Variants in ANO3 observed in about 807,000 individuals in gnomAD.
ANO3 encodes anoctamin-3.
In ANO3, 99 loss-of-function variants were observed where a neutral mutation model predicts 144.8. The ratio of observed to expected loss-of-function variants is 0.68; its 90% confidence interval spans 0.58 to 0.81. The LOEUF (loss-of-function observed/expected upper bound fraction) is 0.81. Ranked by LOEUF, ANO3 falls within the 30% of genes least tolerant of loss-of-function variation. The pLI, the probability that ANO3 is intolerant of heterozygous loss-of-function variation, is 0.00. For synonymous variants in ANO3, 414 were observed against 392.6 expected, an observed-to-expected ratio of 1.05 and a Z score of -0.64; for missense variants, 905 against 1,202.2, an observed-to-expected ratio of 0.75 and a Z score of 3.66.
At chr11:26,360,838 A>G (rs1423977079) in intron 1 of ANO3, among the ~76,000 whole-genome samples, 2 of 152,170 alleles carry the variant, frequency 1.3e-5, no homozygotes, top group African/African-American at 4.8e-5. Flanking sequence ...TTGTATACTT[A>G]CTCATTTTAG....
intron 14 of ANO3, among the ~76,000 whole-genome samples, chr11:26,573,811 C>T (rs1233057954): frequency 7.9e-5 from 12 of 151,904 alleles, no homozygotes. Flanking sequence ...TACCTACCCT[C>T]ACTGTCTTGA....
At chr11:26,380,023 A>G (rs1856546801) in intron 1 of ANO3, among the ~76,000 whole-genome samples, 1 of 152,094 alleles carries the variant, frequency 6.6e-6, no homozygotes, top group South Asian at 2.1e-4. Context: ...AGTGTCTACA[A>G]CTTCTGAGTT....
chr11:26,294,611 C>T (rs974005909), intron 1 of ANO3, among the ~76,000 whole-genome samples: 4 of 152,116 alleles, frequency 2.6e-5, no homozygotes, highest in South Asian at 4.1e-4. Context: ...CAGGGTCATG[C>T]AACAAAATTG....
intron 1 of ANO3, among the ~76,000 whole-genome samples, chr11:26,438,469 G>A (rs140631476): frequency 1.2e-3 from 186 of 151,586 alleles, no homozygotes; most frequent in African/African-American, 4.2e-3. Flanking sequence ...GCTGCCGGCC[G>A]GGTGCAGTGG....
At chr11:26,263,186 G>A (rs543624141) in intron 1 of ANO3, among the ~76,000 whole-genome samples, 21 of 152,242 alleles carry the variant, frequency 1.4e-4, no homozygotes, top group African/African-American at 5.1e-4. Flanking sequence ...ATAGTCACAT[G>A]AAAATGAATC....
chr11:26,565,646 A>G, intron 14 of ANO3: 1 of 1,608,892 alleles, frequency 6.2e-7, no homozygotes, highest in Non-Finnish European at 8.5e-7. Context: ...AAGGAGGGGA[A>G]TGACTCGCCT....
chr11:26,599,739 C>A, intron 17 of ANO3, 25 bp downstream of exon 17: 1 of 1,592,952 alleles, frequency 6.3e-7, no homozygotes. Flanking sequence ...TGTTATTCTT[C>A]AGTAGACAAA....
chr11:26,404,981 C>A (rs1014120639), intron 1 of ANO3, among the ~76,000 whole-genome samples: 3 of 129,130 alleles, frequency 2.3e-5, no homozygotes, highest in East Asian at 2.3e-4. Context: ...GTGTGTGTGT[C>A]TATATATCTA....
intron 1 of ANO3, among the ~76,000 whole-genome samples, chr11:26,398,989 C>A (rs1208419927): frequency 2.0e-5 from 3 of 151,888 alleles, no homozygotes; most frequent in African/African-American, 7.3e-5. Flanking sequence ...CAGGCCACTG[C>A]AAGTGGATGG....
At chr11:26,495,911 T>G (rs1032555684) in intron 4 of ANO3, among the ~76,000 whole-genome samples, 6 of 152,316 alleles carry the variant, frequency 3.9e-5, no homozygotes, top group African/African-American at 1.4e-4. Flanking sequence ...CACATGTGAA[T>G]TTTCCTAATT....
chr11:26,569,814 C>A (rs1354745450), intron 14 of ANO3, among the ~76,000 whole-genome samples: 1 of 152,070 alleles, frequency 6.6e-6, no homozygotes, highest in African/African-American at 2.4e-5. Flanking sequence ...TCCCTGAGTG[C>A]ACCCAAGTTC....
At chr11:26,502,119 A>G (rs1217160158) in intron 4 of ANO3, among the ~76,000 whole-genome samples, 4 of 152,176 alleles carry the variant, frequency 2.6e-5, no homozygotes, top group Non-Finnish European at 4.4e-5. Flanking sequence ...TCTGTTTCCA[A>G]CTGTCTTTGT....
At chr11:26,197,410 G>A (rs1458903804) in intron 1 of ANO3, among the ~76,000 whole-genome samples, 4 of 152,088 alleles carry the variant, frequency 2.6e-5, no homozygotes, top group East Asian at 1.9e-4. Flanking sequence ...GTGCAGTGGC[G>A]CAATCTCGGC....
chr11:26,408,596 G>A (rs374016353), intron 1 of ANO3, among the ~76,000 whole-genome samples: 3 of 148,886 alleles, frequency 2.0e-5, no homozygotes, highest in Admixed American at 1.4e-4. Flanking sequence ...AACTAGAAAT[G>A]CCATTTGACC....
At chr11:26,218,614 T>C (rs1852080882) in intron 1 of ANO3, among the ~76,000 whole-genome samples, 1 of 152,166 alleles carries the variant, frequency 6.6e-6, no homozygotes, top group South Asian at 2.1e-4. Flanking sequence ...TGTACTGATA[T>C]AAGCTATATA....
At chr11:26,433,866 T>C (rs1858202185) in intron 1 of ANO3, among the ~76,000 whole-genome samples, 1 of 152,172 alleles carries the variant, frequency 6.6e-6, no homozygotes, top group Non-Finnish European at 1.5e-5. Context: ...TTATCCTTTT[T>C]GTTATGCCTC....
intron 14 of ANO3, chr11:26,562,977 G>A (rs1420480827): frequency 8.3e-7 from 1 of 1,201,132 alleles, no homozygotes; most frequent in African/African-American, 1.6e-5. Context: ...ATAAACAGAA[G>A]GTGGATCAGA....
intron 14 of ANO3, chr11:26,561,311 C>A: frequency 1.1e-6 from 1 of 943,164 alleles, no homozygotes; most frequent in Non-Finnish European, 1.5e-6. Flanking sequence ...AGGAATTATT[C>A]TAGATGAGAA....
At chr11:26,317,348 T>C (rs916179912) in intron 1 of ANO3, among the ~76,000 whole-genome samples, 2 of 152,108 alleles carry the variant, frequency 1.3e-5, no homozygotes, top group African/African-American at 2.4e-5. Context: ...GAGAAAATTT[T>C]TGCAATCTAT....
Sources: allele counts gnomAD v4.1 joint callset (sites outside exome capture counted in the v4.1 genomes callset), GRCh38; gene constraint gnomAD v4.1.1; transcripts MANE v1.5; gene names NCBI Gene and HGNC (gene_info 2026-07-23, HGNC 2026-07-21).